The following ASMTL variants were observed in gnomAD, a reference collection of about 807,000 sequenced individuals.
ASMTL encodes the protein probable bifunctional dTTP/UTP pyrophosphatase/methyltransferase protein.
Under a neutral mutation model 60.3 loss-of-function variants are expected in ASMTL, and 57 were observed. That is an observed-to-expected ratio of 0.95 (90% CI 0.76 to 1.18). The LOEUF (loss-of-function observed/expected upper bound fraction) is 1.18. Among genes scored for constraint, ASMTL ranks in the 50% most tolerant of loss-of-function variants. The probability of loss-of-function intolerance (pLI) is 0.00; values close to 1 mark genes in which losing one functional copy is unlikely to be tolerated. For missense variants in ASMTL, 981 were observed against 852.6 expected (o/e 1.15, Z -1.88); for synonymous variants, 419 against 373.0 (o/e 1.12, Z -1.42).
chrX:1,432,595 C>T (rs1190631515), intron 5 of ASMTL, among the ~76,000 whole-genome samples: 12 of 152,280 alleles, frequency 7.9e-5, no homozygotes, highest in Middle Eastern at 6.8e-3. Flanking sequence ...CTTGGGAGGC[C>T]GAGGCGGGTG....
At chrX:1,429,790 C>G (rs1159060845) in intron 6 of ASMTL, among the ~76,000 whole-genome samples, 3 of 151,588 alleles carry the variant, frequency 2.0e-5, no homozygotes, top group African/African-American at 7.3e-5. Context: ...GAGGAAGACT[C>G]CGTCTCAAAA....
In ASMTL at chrX:1,407,419, AGATG is replaced by A. The variant is rs371341911; in HGVS notation, c.1646-3934_1646-3931del. Among the ~76,000 whole-genome samples the A allele has an allele frequency of 2.8e-4, 42 of 149,598 alleles. 1 individual carries two copies. Among genetic ancestry groups the A allele is most frequent in the African/African-American group, 8.2e-4 (33 of 40,408 alleles). On this transcript the variant is annotated intron_variant, in intron 12 of 12. Coordinates refer to ENST00000381317, the MANE Select transcript of ASMTL (RefSeq NM_004192.4). ...ATGGATATAGATGGATGCATTCATG[AGATG>A]GATGGATGGGTGAATAGATGGTAGA...
At chrX:1,425,406 G>A in intron 8 of ASMTL, 119 bp downstream of exon 8, 2 of 1,182,884 alleles carry the variant, frequency 1.7e-6, no homozygotes, top group South Asian at 3.1e-5. Context: ...GCATTCCTGA[G>A]GGCAGAGGGA....
chrX:1,443,626 G>A (rs866669495), intron 1 of ASMTL, among the ~76,000 whole-genome samples: 2,288 of 107,436 alleles, frequency 0.021, 117 homozygotes, highest in African/African-American at 0.081. Context: ...GACAGACACC[G>A]CCATCGTGGA....
At chrX:1,452,937 C>T (rs780088945), upstream of ASMTL, 864 of 980,894 alleles carry the variant, frequency 8.8e-4, 4 homozygotes, top group African/African-American at 0.013. Context: ...CAGAGTCCCG[C>T]CTCCGCGAGG....
intron 11 of ASMTL, among the ~76,000 whole-genome samples, chrX:1,415,986 GAC>G (rs1330279456): frequency 4.0e-5 from 6 of 151,578 alleles, no homozygotes; most frequent in African/African-American, 4.8e-5. Flanking sequence ...TACACACATG[GAC>G]ACACAGATAC....
At chrX:1,435,124 C>T (rs1319791316) in intron 4 of ASMTL, 41 bp from the exon 5 acceptor site, 1 of 1,606,166 alleles carries the variant, frequency 6.2e-7, no homozygotes, top group East Asian at 2.2e-5. Context: ...CATGCTGTGA[C>T]CCGTGGGAGC....
At chrX:1,433,398 G>A (rs749354253) in intron 5 of ASMTL, among the ~76,000 whole-genome samples, 3 of 150,678 alleles carry the variant, frequency 2.0e-5, no homozygotes, top group African/African-American at 7.3e-5. Flanking sequence ...GCGCGCGGTG[G>A]CTCACGCCTG....
chrX:1,417,523 G>GCA (rs374406800), intron 11 of ASMTL, among the ~76,000 whole-genome samples: 129,420 of 149,092 alleles, frequency 0.87, 58,131 homozygotes, highest in East Asian at 0.99. Flanking sequence ...ACACAGACAT[G>GCA]CACACACACA....
In ASMTL at chrX:1,412,714, C is replaced by T. The variant is rs747177925; in HGVS notation, c.1645+18G>A. 7 of 1,613,952 alleles carry T rather than the reference C, an allele frequency of 4.3e-6. No homozygotes were observed. The highest frequency in any genetic ancestry group is 5.1e-6 in the Non-Finnish European group (6 of 1,179,848). ...CTACGTCTTAACAAAAACAGCTAACCTGACGATGGGCTCTCACCTGGCTTG... is the reference window on the plus strand; with the variant it reads ...CTACGTCTTAACAAAAACAGCTAACTTGACGATGGGCTCTCACCTGGCTTG... On this transcript the variant is annotated intron_variant, in intron 12 of 12. Coordinates refer to ENST00000381317, the MANE Select transcript of ASMTL (RefSeq NM_004192.4).
Position 1,451,110 on chromosome X carries a change from G to C in ASMTL, c.93+1638C>G, listed in dbSNP as rs755220254. Among the ~76,000 whole-genome samples, 390 of 119,636 alleles carry C rather than the reference G, an allele frequency of 3.3e-3. 3 individuals are homozygous for C. Among genetic ancestry groups the C allele is most frequent in the South Asian group, 5.6e-3 (23 of 4,138 alleles). 78.5% of individuals were successfully genotyped at this position (119,636 alleles called of 152,430 possible). A position where few individuals can be genotyped will look rare whatever the true frequency, so the allele number is the denominator to read the frequency against. ...ACTCTCCCCTCCCCCATCCCTAGGC[G>C]GTCCTGGATCACTCTCCCCTCCCCA... On this transcript the variant is annotated intron_variant, in intron 1 of 12. Transcript: ENST00000381317.
intron 7 of ASMTL, 161 bp downstream of exon 7, chrX:1,427,573 G>T: frequency 3.7e-6 from 1 of 267,458 alleles, no homozygotes; most frequent in Non-Finnish European, 5.8e-6. Flanking sequence ...GGGAGAGGCA[G>T]GAAGGACCCT....
intron 8 of ASMTL, among the ~76,000 whole-genome samples, chrX:1,422,355 A>C (rs2090504032): frequency 6.6e-6 from 1 of 152,232 alleles, no homozygotes; most frequent in Non-Finnish European, 1.5e-5. Flanking sequence ...AGATGGCAGC[A>C]GCAGCTCCTG....
At chrX:1,426,721 T>C (rs1319700421) in intron 7 of ASMTL, among the ~76,000 whole-genome samples, 2 of 152,128 alleles carry the variant, frequency 1.3e-5, no homozygotes, top group Non-Finnish European at 2.9e-5. Context: ...GGCTTGGTGG[T>C]GGGCGCCTGT....
intron 5 of ASMTL, among the ~76,000 whole-genome samples, chrX:1,433,474 G>A (rs1193785147): frequency 2.1e-5 from 3 of 142,110 alleles, no homozygotes; most frequent in East Asian, 2.1e-4. Context: ...GACCCTCCTG[G>A]CTACCACGGT....
rs1304662008 is a variant in ASMTL, at chrX:1,436,455, C to A, written c.274-697G>T. On this transcript the variant is annotated intron_variant, in intron 3 of 12. Coordinates refer to ENST00000381317, the MANE Select transcript of ASMTL (RefSeq NM_004192.4). ...GCAAGCTCCGCCTCCCGGGTTCACG[C>A]CATTCTCCTGCCTCAGCCTCCCGAG... is the stretch of plus-strand genomic sequence containing the variant. 4.6e-5 allele frequency among the ~76,000 whole-genome samples: 7 copies of A among 151,722 alleles called. 1 individual carries two copies. Among genetic ancestry groups the A allele is most frequent in the South Asian group, 2.1e-4 (1 of 4,804 alleles).
intron 12 of ASMTL, among the ~76,000 whole-genome samples, chrX:1,411,390 G>A (rs2090014180): frequency 6.6e-6 from 1 of 152,152 alleles, no homozygotes; most frequent in Admixed American, 6.6e-5. Flanking sequence ...CTGAACTCTT[G>A]AGGGAGGCTG....
chrX:1,412,861 T>TA lies in ASMTL; in HGVS notation c.1523-8dup. The stretch of plus-strand genomic sequence containing the variant: ...GGGTCCCTGAAAAAGTCACCTGGTT[T>TA]AAAGACAAAACGAGATACGTCCGTC... On this transcript the variant is annotated splice_polypyrimidine_tract_variant and splice_region_variant and intron_variant, in intron 11 of 12. Coordinates refer to ENST00000381317, the MANE Select transcript of ASMTL (RefSeq NM_004192.4). 1 of 1,613,782 alleles carries TA rather than the reference T, an allele frequency of 6.2e-7. No homozygotes were observed. Among genetic ancestry groups the TA allele is most frequent in the Non-Finnish European group, 8.5e-7 (1 of 1,179,794 alleles).
chrX:1,418,973 G>C lies in ASMTL; in HGVS notation c.1378+9C>G, dbSNP rs1406160195. ...AAGTAAGGAGAGCCCTGGCGGGGGGGCCACCCACCTCCCACGTCGCAGGCG... is the reference window on the plus strand; with the variant it reads ...AAGTAAGGAGAGCCCTGGCGGGGGGCCCACCCACCTCCCACGTCGCAGGCG... On this transcript the variant is annotated intron_variant, in intron 10 of 12. Transcript: ENST00000381317. 1 of 1,611,780 alleles carries C rather than the reference G, an allele frequency of 6.2e-7. No homozygotes were observed. The highest frequency in any genetic ancestry group is 1.1e-5 in the South Asian group (1 of 90,970).
Sources: gnomAD v4.1 joint callset for allele counts (sites outside exome capture counted in the v4.1 genomes callset) on GRCh38, gnomAD v4.1.1 for gene constraint, MANE v1.5 for transcripts, NCBI Gene and HGNC (gene_info 2026-07-23, HGNC 2026-07-21) for gene names.